The following RBP7 variants were observed in gnomAD, a reference collection of about 807,000 sequenced individuals.
RBP7 encodes retinol binding protein 7.
A neutral mutation model predicts 16.7 loss-of-function variants in RBP7; 13 were observed. The observed-to-expected ratio is 0.78, with a 90% CI of 0.51 to 1.24. The LOEUF (loss-of-function observed/expected upper bound fraction) is 1.24, where lower values mean the gene tolerates loss of function less well. RBP7 is among the 50% of genes most tolerant of loss of function. RBP7 has a pLI of 0.00. For synonymous variants in RBP7, 54 were observed against 56.2 expected (o/e 0.96, Z 0.17); for missense variants, 145 against 159.5 (o/e 0.91, Z 0.49).
At chr1:10,008,057 A>G (rs1642497264) in intron 2 of RBP7, 116 bp from the exon 3 acceptor site, 1 of 680,868 alleles carries the variant, frequency 1.5e-6, no homozygotes, top group South Asian at 1.9e-5. Context: ...CCATCTCAAA[A>G]AAAAAAAAAA....
At chr1:10,006,300 A>T (rs1371789141) in intron 1 of RBP7, among the ~76,000 whole-genome samples, 2 of 152,094 alleles carry the variant, frequency 1.3e-5, no homozygotes, top group Admixed American at 6.6e-5. Flanking sequence ...TGAGCCCAAG[A>T]GTTCGAGACC....
chr1:10,008,726 A>T (rs1246667463), intron 3 of RBP7, among the ~76,000 whole-genome samples: 1 of 151,488 alleles, frequency 6.6e-6, no homozygotes, highest in African/African-American at 2.4e-5. Context: ...GGCATGAGCC[A>T]CCACCACACC....
chr1:10,009,844 G>T (rs1642567601), intron 3 of RBP7, among the ~76,000 whole-genome samples: 1 of 151,992 alleles, frequency 6.6e-6, no homozygotes, highest in African/African-American at 2.4e-5. Flanking sequence ...TAATTTCTTG[G>T]AATGTAATTC....
rs112769231 is a variant in RBP7 at position 10,012,961 on chromosome 1, A to G, written c.355-2821A>G. On this transcript the variant is annotated intron_variant, in intron 3 of 3. Transcript: ENST00000294435. ...TCTCAAAAAAAAAAAAAAAAAAAAGAGAAATACCAAATGTGTACATCCTTC... is the reference window on the plus strand; with the variant it reads ...TCTCAAAAAAAAAAAAAAAAAAAAGGGAAATACCAAATGTGTACATCCTTC... Among the ~76,000 whole-genome samples the G allele has an allele frequency of 6.0e-3, 904 of 149,900 alleles. 14 individuals carry two copies. Among genetic ancestry groups the G allele is most frequent in the African/African-American group, 0.021 (861 of 40,806 alleles).
chr1:10,001,551 C>G lies in RBP7; in HGVS notation c.73+4220C>G, dbSNP rs184834424. On this transcript the variant is annotated intron_variant, in intron 1 of 3. Coordinates refer to ENST00000294435, the MANE Select transcript of RBP7 (RefSeq NM_052960.3). ...CAAACTCCTGGCCACATGCAATCCT[C>G]CTGCCTCTGCCTTGCTTGGGTTTTA... is the stretch of plus-strand genomic sequence containing the variant. Among the ~76,000 whole-genome samples the G allele has an allele frequency of 8.1e-4, 123 of 152,148 alleles. 1 individual carries two copies. Among genetic ancestry groups the G allele is most frequent in the African/African-American group, 2.9e-3 (122 of 41,516 alleles).
rs1267004562 is a variant in RBP7, at chr1:10,015,966, G to A, written c.*134G>A. On this transcript the variant is annotated 3_prime_UTR_variant, in exon 4 of 4. Coordinates refer to ENST00000294435, the MANE Select transcript of RBP7 (RefSeq NM_052960.3). ...GAGAGAGCCACACAGCGTGTAACCT[G>A]AAGTCATCTAGATTATGGGGAAACT... 8.3e-6 allele frequency: 6 copies of A among 726,026 alleles called. No individual in the cohort carries two copies. The highest frequency in any genetic ancestry group is 1.4e-5 in the Non-Finnish European group (6 of 419,748). The allele number at this position is 726,026 out of a possible 1,614,324, so 45.0% of individuals were successfully genotyped here.
In RBP7 at chr1:9,997,729, C is replaced by T. The variant is rs1006545035; in HGVS notation, c.73+398C>T. 4.6e-5 allele frequency among the ~76,000 whole-genome samples: 7 copies of T among 151,890 alleles called. No homozygotes were observed. Among genetic ancestry groups the T allele is most frequent in the Non-Finnish European group, 8.8e-5 (6 of 67,894 alleles). ...GTCCGGCCGGGGAGGGGGGTCCGGC[C>T]GGGGAGGGGGCGCCCGGGACCGAAG... On this transcript the variant is annotated intron_variant, in intron 1 of 3. Coordinates refer to ENST00000294435, the MANE Select transcript of RBP7 (RefSeq NM_052960.3). This position sits in a 1 kb window ranked among gnomAD's most constrained non-coding sequence, Gnocchi z 5.9.
At chr1:10,013,589 A>C (rs546515435) in intron 3 of RBP7, among the ~76,000 whole-genome samples, 2 of 152,158 alleles carry the variant, frequency 1.3e-5, no homozygotes, top group African/African-American at 4.8e-5. Flanking sequence ...CAGGTGGATC[A>C]TCTGACGTTA....
intron 1 of RBP7, among the ~76,000 whole-genome samples, chr1:10,001,664 G>A (rs1642281812): frequency 6.6e-6 from 1 of 152,068 alleles, no homozygotes; most frequent in Admixed American, 6.6e-5. Flanking sequence ...CAGAAATGGA[G>A]AAGCCCCATG....
intron 3 of RBP7, among the ~76,000 whole-genome samples, chr1:10,011,992 G>T (rs908255170): frequency 7.9e-5 from 12 of 151,524 alleles, no homozygotes; most frequent in Non-Finnish European, 1.6e-4. Flanking sequence ...ACTTGAGGTC[G>T]GGAGTTTGAG....
At chr1:9,998,341 G>T (rs184690194) in intron 1 of RBP7, among the ~76,000 whole-genome samples, 1 of 151,822 alleles carries the variant, frequency 6.6e-6, no homozygotes, top group Non-Finnish European at 1.5e-5. Flanking sequence ...TTGCCGTGCC[G>T]GCCAATCCCT....
chr1:10,015,842 A>G lies in RBP7; in HGVS notation c.*10A>G, dbSNP rs1237435969. ...ATTCCAGAGAGCCTGATCCACATCCAGCAGCAGAGCCCACTTGTGGCTGCA... is the reference window on the plus strand; with the variant it reads ...ATTCCAGAGAGCCTGATCCACATCCGGCAGCAGAGCCCACTTGTGGCTGCA... On this transcript the variant is annotated 3_prime_UTR_variant, in exon 4 of 4. Coordinates refer to ENST00000294435, the MANE Select transcript of RBP7 (RefSeq NM_052960.3). 1 of 1,613,548 alleles carries G rather than the reference A, an allele frequency of 6.2e-7. No homozygotes were observed. The highest frequency in any genetic ancestry group is 2.2e-5 in the East Asian group (1 of 44,886).
intron 1 of RBP7, among the ~76,000 whole-genome samples, chr1:10,006,710 A>T (rs930078801): frequency 1.3e-5 from 2 of 148,458 alleles, no homozygotes; most frequent in African/African-American, 5.0e-5. Flanking sequence ...AAAAAAAAGA[A>T]AAAAAAAAGT....
At chr1:10,007,197 C>T (rs1432912582) in intron 1 of RBP7, 1 of 293,900 alleles carries the variant, frequency 3.4e-6, no homozygotes, top group Non-Finnish European at 6.6e-6. Flanking sequence ...CCGCCCTCCT[C>T]AGCCTCCCAA....
At chr1:10,004,986 C>G (rs553862629) in intron 1 of RBP7, among the ~76,000 whole-genome samples, 1 of 151,962 alleles carries the variant, frequency 6.6e-6, no homozygotes, top group South Asian at 2.1e-4. Flanking sequence ...GAATGAGACC[C>G]TGTCTCAAAA....
intron 3 of RBP7, among the ~76,000 whole-genome samples, chr1:10,013,699 A>G (rs568512348): frequency 6.6e-6 from 1 of 152,108 alleles, no homozygotes; most frequent in African/African-American, 2.4e-5. Context: ...AGTCCCAGCT[A>G]CTCAGGAGGC....
At chr1:10,015,458 A>G (rs1642749822) in intron 3 of RBP7, among the ~76,000 whole-genome samples, 1 of 151,298 alleles carries the variant, frequency 6.6e-6, no homozygotes, top group South Asian at 2.1e-4. Context: ...CAAAAAAAAA[A>G]AAAAAAAGAC....
intron 1 of RBP7, among the ~76,000 whole-genome samples, chr1:10,005,390 T>C (rs1188511282): frequency 6.6e-6 from 1 of 151,494 alleles, no homozygotes; most frequent in African/African-American, 2.4e-5. Flanking sequence ...TTTATAGAAA[T>C]GGGGTCTTGC....
In RBP7 at chr1:9,997,648, GC is replaced by G. The variant is rs893340032; in HGVS notation, c.73+321del. Among the ~76,000 whole-genome samples, 1 of 150,780 alleles carries G rather than the reference GC, an allele frequency of 6.6e-6. No homozygotes were observed. Among genetic ancestry groups the G allele is most frequent in the African/African-American group, 2.4e-5 (1 of 41,080 alleles). On this transcript the variant is annotated intron_variant, in intron 1 of 3. Transcript: ENST00000294435. This position sits in a 1 kb window ranked among gnomAD's most constrained non-coding sequence, Gnocchi z 5.9. ...GTCCGTCCCTGAGTGCCCGCGTCCAGCCCCACGTCCGTCTCTACCCGCACGC... is the reference window on the plus strand; with the variant it reads ...GTCCGTCCCTGAGTGCCCGCGTCCAGCCCACGTCCGTCTCTACCCGCACGC...
Sources: gnomAD v4.1 joint callset for allele counts (sites outside exome capture counted in the v4.1 genomes callset) on GRCh38, gnomAD v4.1.1 for gene constraint, Gnocchi (gnomAD v3.1) non-coding constraint, MANE v1.5 for transcripts, NCBI Gene and HGNC (gene_info 2026-07-23, HGNC 2026-07-21) for gene names.